SOAT2: variants seen among roughly 807,000 people sequenced by gnomAD.
The protein encoded by SOAT2 is sterol O-acyltransferase 2, also known as ACAT-2.
Under a neutral mutation model 76.0 loss-of-function variants are expected in SOAT2, and 87 were observed. The ratio of observed to expected loss-of-function variants is 1.14; its 90% confidence interval spans 0.96 to 1.37. The LOEUF (loss-of-function observed/expected upper bound fraction) is 1.37. Among genes scored for constraint, SOAT2 ranks in the 40% most tolerant of loss-of-function variants. The pLI, the probability that SOAT2 is intolerant of heterozygous loss-of-function variation, is 0.00. For missense variants in SOAT2, 686 were observed against 682.1 expected (o/e 1.01, Z -0.06); for synonymous variants, 285 against 275.4 (o/e 1.03, Z -0.34).
intron 2 of SOAT2, 88 bp downstream of exon 2, chr12:53,104,294 T>C: frequency 1.1e-6 from 1 of 936,054 alleles, no homozygotes; most frequent in Non-Finnish European, 1.6e-6. Flanking sequence ...GATGACTTTT[T>C]TTTTTTTTTT....
intron 5 of SOAT2, among the ~76,000 whole-genome samples, chr12:53,110,416 T>G (rs931197889): frequency 6.6e-6 from 1 of 152,210 alleles, no homozygotes; most frequent in Admixed American, 6.5e-5. Context: ...CATAAAGCAT[T>G]TAGGAGGCCT....
chr12:53,115,637 G>A lies in SOAT2; in HGVS notation c.691G>A (p.Val231Ile). 9 of 1,543,944 alleles carry A rather than the reference G, an allele frequency of 5.8e-6. No homozygotes were observed. The highest frequency in any genetic ancestry group is 7.8e-6 in the Non-Finnish European group (9 of 1,151,098). Residue 231 changes from valine (V) to isoleucine (I), a missense_variant, in exon 6 of 15, where the codon GTC (valine) becomes ATC (isoleucine). Physicochemically the swap from Val to Ile is conservative, Grantham distance 29. Transcript: ENST00000301466. ...TCAGCTCCCGCCGGCCTCCCGTTGT[G>A]TCCTGGTCTTCGAGCAGGTGAGGGC... ...EHQLPPASRC[V>I]LVFEQVRFLM...
chr12:53,104,032 G>T, intron 1 of SOAT2, 119 bp from the exon 2 acceptor site: 1 of 863,138 alleles, frequency 1.2e-6, no homozygotes, highest in Non-Finnish European at 2.0e-6. Context: ...ACTAGATATT[G>T]GCTGGTTGGG....
Position 53,116,108 on chromosome 12 carries a change from G to C in SOAT2, c.720G>C (p.Leu240=). Residue 240 remains leucine (L), a synonymous_variant, in exon 7 of 15, where the codon CTG becomes CTC. Transcript: ENST00000301466. Reference sequence around the variant, plus strand: ...CCATTCTGCCACAGGTTAGGTTCCTGATGAAAAGCTACTCCTTCCTGAGAG... The same window carrying C: ...CCATTCTGCCACAGGTTAGGTTCCTCATGAAAAGCTACTCCTTCCTGAGAG... ...CVLVFEQVRF[L]MKSYSFLREA... 6.2e-7 allele frequency: 1 copy of C among 1,614,180 alleles called. No individual in the cohort carries two copies.
At chr12:53,118,780 G>A in intron 8 of SOAT2, 110 bp from the exon 9 acceptor site, 6 of 1,184,970 alleles carry the variant, frequency 5.1e-6, no homozygotes, top group Non-Finnish European at 7.6e-6. Context: ...ATCCTCCCAG[G>A]CCTAAGCAAT....
intron 10 of SOAT2, 50 bp from the exon 11 acceptor site, chr12:53,120,736 G>A (rs1592279831): frequency 2.2e-6 from 3 of 1,337,056 alleles, no homozygotes; most frequent in African/African-American, 1.4e-5. Flanking sequence ...GGCTGCCTGT[G>A]GGTCCATGTG....
In SOAT2 at chr12:53,115,393, GCTGCTGGAGTTTGACCTA is replaced by G; in HGVS notation, c.451_468del (p.Leu151_Leu156del). 1.2e-6 allele frequency: 2 copies of G among 1,600,648 alleles called. No homozygotes were observed. Among genetic ancestry groups the G allele is most frequent in the Non-Finnish European group, 1.7e-6 (2 of 1,172,592 alleles). On this transcript the variant is annotated inframe_deletion, in exon 6 of 15. Transcript: ENST00000301466. Reference sequence around the variant, plus strand: ...GTCTCTCCTTCCCCACTCCAAGGCTGCTGCTGGAGTTTGACCTACTGATCTTCAGCTTCGGACAGCTGC... The same window carrying G: ...GTCTCTCCTTCCCCACTCCAAGGCTGCTGATCTTCAGCTTCGGACAGCTGC...
intron 7 of SOAT2, among the ~76,000 whole-genome samples, chr12:53,117,732 C>T (rs1015440888): frequency 1.5e-4 from 23 of 152,008 alleles, no homozygotes; most frequent in African/African-American, 5.3e-4. Context: ...CAGTGCTGGG[C>T]CAGAGGTCCA....
intron 5 of SOAT2, among the ~76,000 whole-genome samples, chr12:53,107,857 A>G (rs1312627229): frequency 1.3e-5 from 2 of 152,100 alleles, no homozygotes; most frequent in African/African-American, 4.8e-5. Context: ...TCCTGACCTC[A>G]GGCGATCTGC....
chr12:53,113,809 CCTT>C (rs935468853), intron 5 of SOAT2, among the ~76,000 whole-genome samples: 3 of 152,092 alleles, frequency 2.0e-5, no homozygotes, highest in African/African-American at 7.2e-5. Context: ...GTCTTGAAGA[CCTT>C]CTTCTGGAGC....
chr12:53,109,063 C>T (rs980971521), intron 5 of SOAT2, among the ~76,000 whole-genome samples: 1 of 152,166 alleles, frequency 6.6e-6, no homozygotes, highest in East Asian at 1.9e-4. Context: ...ATGGTGAAAC[C>T]CCGTCTCTAC....
At chr12:53,118,471 C>T in intron 8 of SOAT2, 37 bp downstream of exon 8, 2 of 1,495,624 alleles carry the variant, frequency 1.3e-6, no homozygotes, top group Non-Finnish European at 9.3e-7. Flanking sequence ...TGCCCAGGCC[C>T]ATCAGGAAAC....
rs201335480 is a variant in SOAT2 at position 53,123,164 on chromosome 12, C to T, written c.1320C>T (p.Phe440=). 12 of 1,613,978 alleles carry T rather than the reference C, an allele frequency of 7.4e-6. No homozygotes were observed. The highest frequency in any genetic ancestry group is 2.2e-5 in the East Asian group (1 of 44,890). ...SAVAHEYIFC[F]VLGFFYPVML... ...TGGCCCATGAGTATATCTTCTGCTTCGTCCTGGGGTTCTTCTATCCCGTCA... is the reference window on the plus strand; with the variant it reads ...TGGCCCATGAGTATATCTTCTGCTTTGTCCTGGGGTTCTTCTATCCCGTCA... The change falls in exon 13 of 15, where the codon TTC becomes TTT. Residue 440 remains phenylalanine, a synonymous_variant. Transcript: ENST00000301466.
At position 53,115,642 on chromosome 12, in the gene SOAT2, G is replaced by A; in HGVS notation, c.696G>A (p.Leu232=). The A allele has an allele frequency of 6.5e-7, 1 of 1,539,616 alleles. No individual in the cohort carries two copies. The highest frequency in any genetic ancestry group is 8.7e-7 in the Non-Finnish European group (1 of 1,148,814). The change falls in exon 6 of 15, where the codon CTG becomes CTA. Residue 232 remains leucine (L), a synonymous_variant. Transcript: ENST00000301466. ...TCCCGCCGGCCTCCCGTTGTGTCCT[G>A]GTCTTCGAGCAGGTGAGGGCCGAGC... ...HQLPPASRCV[L]VFEQVRFLMK...
rs1456001180 is a variant in SOAT2, at chr12:53,105,924, A to G, written c.353A>G (p.Gln118Arg). The G allele has an allele frequency of 7.2e-6, 11 of 1,518,890 alleles. No homozygotes were observed. The highest frequency in any genetic ancestry group is 9.6e-6 in the Non-Finnish European group (11 of 1,141,548). The allele number at this position is 1,518,890 out of a possible 1,614,324, so 94.1% of individuals were successfully genotyped here. A position where few individuals can be genotyped will look rare whatever the true frequency, so the allele number is the denominator to read the frequency against. Residue 118 changes from glutamine (Q) to arginine (R), a missense_variant, in exon 5 of 15, where the codon CAG (glutamine) becomes CGG (arginine). By Grantham distance (43) the Gln-to-Arg change is conservative (BLOSUM62 1). Transcript: ENST00000301466. ...KSLLDELMEV[Q>R]HFRTIYHMFI... ...CCCTCTAGTGAGCTGATGGAGGTGCAGCATTTCCGCACCATCTACCACATG... is the reference window on the plus strand; with the variant it reads ...CCCTCTAGTGAGCTGATGGAGGTGCGGCATTTCCGCACCATCTACCACATG...
chr12:53,121,735 AAT>A (rs1206085218), intron 12 of SOAT2, among the ~76,000 whole-genome samples: 1 of 151,820 alleles, frequency 6.6e-6, no homozygotes, highest in Non-Finnish European at 1.5e-5. Flanking sequence ...CTGAGAAATA[AAT>A]ATGATTATAT....
chr12:53,120,673 G>A (rs1592279806), intron 10 of SOAT2, 113 bp from the exon 11 acceptor site: 1 of 701,136 alleles, frequency 1.4e-6, no homozygotes, highest in East Asian at 2.6e-5. Context: ...TAAATGAATG[G>A]TAAGAGTTGG....
chr12:53,121,161 AGT>A (rs1260175859), intron 11 of SOAT2, 140 bp from the exon 12 acceptor site: 7 of 678,280 alleles, frequency 1.0e-5, no homozygotes, highest in African/African-American at 1.8e-5. Context: ...GAGGTGGGAG[AGT>A]GTCTGCTGTC....
chr12:53,115,830 C>T (rs2121289566), intron 6 of SOAT2, among the ~76,000 whole-genome samples, 176 bp downstream of exon 6: 1 of 152,340 alleles, frequency 6.6e-6, no homozygotes, highest in East Asian at 1.9e-4. Context: ...ATTTGGGGAA[C>T]CTGCAGGCTG....
Sources: gnomAD v4.1 joint callset for allele counts (sites outside exome capture counted in the v4.1 genomes callset) on GRCh38, gnomAD v4.1.1 for gene constraint, MANE v1.5 for transcripts, NCBI Gene and HGNC (gene_info 2026-07-23, HGNC 2026-07-21) for gene names.